The following PRMT8 variants were observed in gnomAD, a reference collection of about 807,000 sequenced individuals.
PRMT8 encodes protein arginine N-methyltransferase 8.
In PRMT8, 7 loss-of-function variants were observed where a neutral mutation model predicts 47.1. That is an observed-to-expected ratio of 0.15 (90% CI 0.08 to 0.28). PRMT8 has a LOEUF of 0.28. Ranked by LOEUF, PRMT8 falls within the 10% of genes least tolerant of loss-of-function variation. The probability of loss-of-function intolerance (pLI) is 1.00; values close to 1 mark genes in which losing one functional copy is unlikely to be tolerated. For missense variants in PRMT8, 237 were observed against 505.4 expected, an observed-to-expected ratio of 0.47 and a Z score of 5.09; for synonymous variants, 188 against 186.5, an observed-to-expected ratio of 1.01 and a Z score of -0.07.
chr12:3,386,029 G>T (rs1718128593), intron 1 of PRMT8, among the ~76,000 whole-genome samples: 1 of 152,194 alleles, frequency 6.6e-6, no homozygotes, highest in Non-Finnish European at 1.5e-5. Context: ...GTTCAGCAAT[G>T]ACTTCTACTC....
upstream of PRMT8, among the ~76,000 whole-genome samples, chr12:3,486,485 A>T (rs1865324638): frequency 6.6e-6 from 1 of 152,196 alleles, no homozygotes; most frequent in Admixed American, 6.5e-5. Context: ...TATAAAGTTA[A>T]CAGAAAAAAA....
At position 3,582,986 on chromosome 12, in the gene PRMT8, G is replaced by A. The variant is rs1175868974; in HGVS notation, c.829-72G>A. ...GACAGACCACAGTCTCTCACAGAAC[G>A]AGGCTGCTGACCGGGACCCAGACTT... On this transcript the variant is annotated intron_variant, in intron 7 of 9. Coordinates refer to ENST00000382622, the MANE Select transcript of PRMT8 (RefSeq NM_019854.5). The A allele has an allele frequency of 8.4e-6, 13 of 1,543,692 alleles. 1 individual carries two copies. Among genetic ancestry groups the A allele is most frequent in the South Asian group, 7.3e-5 (6 of 82,142 alleles).
intron 8 of PRMT8, among the ~76,000 whole-genome samples, chr12:3,591,730 A>G (rs796714812): frequency 5.9e-5 from 9 of 151,670 alleles, no homozygotes; most frequent in African/African-American, 2.2e-4. Context: ...AGGACCAAGT[A>G]CCTGCCATAT....
Position 3,482,031 on chromosome 12 carries a change from G to A in PRMT8, c.49-58575G>A, listed in dbSNP as rs74057454. ...ATCCAATCGGGGAAAGGAAGGGAGA[G>A]GCCCAATCTTTGTCTCAGCTAACTT... On this transcript the variant is annotated intron_variant, in intron 1 of 9. Transcript: ENST00000452611. Among the ~76,000 whole-genome samples the A allele has an allele frequency of 7.1e-3, 1,085 of 152,302 alleles. 11 individuals are homozygous for A. The highest frequency in any genetic ancestry group is 0.024 in the African/African-American group (1,011 of 41,556).
At chr12:3,482,366 C>G (rs2137102334) in intron 1 of PRMT8, among the ~76,000 whole-genome samples, 1 of 152,362 alleles carries the variant, frequency 6.6e-6, no homozygotes, top group African/African-American at 2.4e-5. Flanking sequence ...TGCCAAGGTG[C>G]TAGATCTTTC....
intron 1 of PRMT8, among the ~76,000 whole-genome samples, chr12:3,455,570 G>T (rs987227858): frequency 2.6e-5 from 4 of 152,162 alleles, no homozygotes; most frequent in Non-Finnish European, 5.9e-5. Context: ...ACACATGCAT[G>T]GGAGTAGGTG....
chr12:3,491,890 T>TG (rs1865415370), intron 1 of PRMT8, among the ~76,000 whole-genome samples, 190 bp downstream of exon 1: 33 of 9,698 alleles, frequency 3.4e-3, no homozygotes, highest in Admixed American at 7.2e-3. Flanking sequence ...GTGTGTGTGT[T>TG]GGTGGGGGGT....
intron 1 of PRMT8, among the ~76,000 whole-genome samples, chr12:3,398,596 G>A (rs1232142797): frequency 2.6e-5 from 4 of 152,202 alleles, no homozygotes; most frequent in Non-Finnish European, 5.9e-5. Context: ...TCCAGCTCAG[G>A]AGTGGTGATG....
At chr12:3,575,537 G>T (rs1350275061) in intron 6 of PRMT8, among the ~76,000 whole-genome samples, 1 of 152,212 alleles carries the variant, frequency 6.6e-6, no homozygotes, top group Non-Finnish European at 1.5e-5. Flanking sequence ...GGATTTAGGG[G>T]ACATGCTGGG....
At chr12:3,437,307 A>G (rs1420864264) in intron 1 of PRMT8, among the ~76,000 whole-genome samples, 1 of 152,134 alleles carries the variant, frequency 6.6e-6, no homozygotes, top group Non-Finnish European at 1.5e-5. Context: ...TATTTATAAT[A>G]GCTACATACA....
chr12:3,512,528 G>A (rs1034385173), intron 1 of PRMT8, among the ~76,000 whole-genome samples: 5 of 152,008 alleles, frequency 3.3e-5, no homozygotes, highest in Non-Finnish European at 7.4e-5. Context: ...CTTCACCCCA[G>A]CCAGAAGTCA....
intron 1 of PRMT8, among the ~76,000 whole-genome samples, chr12:3,461,509 C>T (rs1363624342): frequency 6.6e-6 from 1 of 152,232 alleles, no homozygotes; most frequent in East Asian, 1.9e-4. Flanking sequence ...ATCCCAGCAT[C>T]CTCAGCTCAA....
chr12:3,387,153 T>C (rs575362986), intron 1 of PRMT8, among the ~76,000 whole-genome samples: 2 of 152,338 alleles, frequency 1.3e-5, no homozygotes, highest in East Asian at 3.9e-4. Context: ...GTATGTAGAA[T>C]TGCACTATAC....
chr12:3,490,721 A>AGAG, upstream of PRMT8, among the ~76,000 whole-genome samples: 1 of 96,566 alleles, frequency 1.0e-5, no homozygotes, highest in African/African-American at 3.4e-5. Flanking sequence ...GAGAGAGAGA[A>AGAG]AAGGATAAAG....
At chr12:3,540,055 A>C (rs1334399615) in intron 1 of PRMT8, among the ~76,000 whole-genome samples, 1 of 152,180 alleles carries the variant, frequency 6.6e-6, no homozygotes, top group Non-Finnish European at 1.5e-5. Flanking sequence ...CCCTTTTCTA[A>C]GCACTTTGAA....
intron 1 of PRMT8, among the ~76,000 whole-genome samples, chr12:3,434,836 C>T (rs1031883077): frequency 1.3e-5 from 2 of 151,468 alleles, no homozygotes; most frequent in South Asian, 2.1e-4. Context: ...CAAGATTGAT[C>T]GAAGGGCCTC....
At chr12:3,398,014 T>C (rs1864276709) in intron 1 of PRMT8, among the ~76,000 whole-genome samples, 1 of 152,032 alleles carries the variant, frequency 6.6e-6, no homozygotes, top group Admixed American at 6.5e-5. Flanking sequence ...GAAAGGGAAC[T>C]CCCTGACCCC....
intron 1 of PRMT8, among the ~76,000 whole-genome samples, chr12:3,455,410 A>G (rs902618957): frequency 1.3e-5 from 2 of 152,098 alleles, no homozygotes; most frequent in Non-Finnish European, 2.9e-5. Context: ...CACAGACAGG[A>G]TGGAGGGAGG....
In PRMT8 at chr12:3,540,632, C is replaced by CCCCCCCCCCCG; in HGVS notation, c.103_104insCCCCCCCCCGC (p.Gln35ProfsTer35). On this transcript the variant is annotated frameshift_variant, in exon 2 of 10. Transcript: ENST00000382622. LOFTEE classifies it high-confidence loss of function. ...TGAACAGCCCCCCCTCCCAGCCCCCCCAGCCCGTCGTCCCTGCTAAGCCCG... is the reference window on the plus strand; with the variant it reads ...TGAACAGCCCCCCCTCCCAGCCCCCCCCCCCCCCCCGCAGCCCGTCGTCCCTGCTAAGCCCG... The CCCCCCCCCCCG allele has an allele frequency of 6.3e-7, 1 of 1,582,664 alleles. No homozygotes were observed.
Sources: allele counts gnomAD v4.1 joint callset (sites outside exome capture counted in the v4.1 genomes callset), GRCh38; gene constraint gnomAD v4.1.1; transcripts MANE v1.5; gene names NCBI Gene and HGNC (gene_info 2026-07-23, HGNC 2026-07-21).